The following KCNIP4 variants were observed in gnomAD, a reference collection of about 807,000 sequenced individuals.
KCNIP4 encodes potassium voltage-gated channel interacting protein 4.
A neutral mutation model predicts 34.0 loss-of-function variants in KCNIP4; 12 were observed. The ratio of observed to expected loss-of-function variants is 0.35; its 90% CI spans 0.23 to 0.57. The LOEUF (loss-of-function observed/expected upper bound fraction) is 0.57. Among genes scored for constraint, KCNIP4 ranks in the 20% least tolerant of loss-of-function variants. The probability of loss-of-function intolerance (pLI) is 0.83; values close to 1 mark genes in which losing one functional copy is unlikely to be tolerated. For missense variants in KCNIP4, 238 were observed against 311.7 expected, an observed-to-expected ratio of 0.76 and a Z score of 1.78; for synonymous variants, 124 against 102.2, an observed-to-expected ratio of 1.21 and a Z score of -1.29.
At chr4:21,381,400 A>T (rs1721491018) in intron 1 of KCNIP4, among the ~76,000 whole-genome samples, 1 of 152,206 alleles carries the variant, frequency 6.6e-6, no homozygotes. Flanking sequence ...TAGATTTATC[A>T]TTCATATGCT....
intron 3 of KCNIP4, among the ~76,000 whole-genome samples, chr4:20,847,479 C>T (rs1320096789): frequency 2.6e-5 from 4 of 152,162 alleles, no homozygotes; most frequent in Non-Finnish European, 5.9e-5. Flanking sequence ...TTGACAAGCC[C>T]TTCAGGTGAT....
chr4:21,188,133 T>C (rs928859891), intron 1 of KCNIP4, among the ~76,000 whole-genome samples: 2 of 152,216 alleles, frequency 1.3e-5, no homozygotes, highest in African/African-American at 4.8e-5. Flanking sequence ...TCATATTTAA[T>C]AATTTTTAGT....
chr4:20,987,871 G>C (rs908223667), intron 1 of KCNIP4, among the ~76,000 whole-genome samples: 8 of 151,218 alleles, frequency 5.3e-5, no homozygotes, highest in African/African-American at 1.7e-4. Flanking sequence ...CGTGGTGGTG[G>C]GCGCCTGTAG....
At chr4:21,095,792 C>T (rs1271073423) in intron 1 of KCNIP4, among the ~76,000 whole-genome samples, 5 of 151,910 alleles carry the variant, frequency 3.3e-5, no homozygotes, top group Non-Finnish European at 5.9e-5. Flanking sequence ...ATGGGGAGCT[C>T]GGAAAAGGCA....
rs150627550 is a variant in KCNIP4 at position 21,097,598 on chromosome 4, A to C, written c.62-214889T>G. ...GGTGATCTGCGATCAGTGATCTTTG[A>C]TGTGGCTACCATCATTGTTTGGGGC... On this transcript the variant is annotated intron_variant, in intron 1 of 8. Coordinates refer to ENST00000382152, the MANE Select transcript of KCNIP4 (RefSeq NM_025221.6). Among the ~76,000 whole-genome samples the C allele has an allele frequency of 3.4e-4, 52 of 152,190 alleles. 1 individual carries two copies. The highest frequency in any genetic ancestry group is 3.4e-3 in the Middle Eastern group (1 of 294).
chr4:21,208,780 A>G (rs1757026215), intron 1 of KCNIP4, among the ~76,000 whole-genome samples: 1 of 152,202 alleles, frequency 6.6e-6, no homozygotes, highest in African/African-American at 2.4e-5. Context: ...TATAAAGGAA[A>G]GAGATTTAAT....
At chr4:21,213,866 G>C (rs1757391075) in intron 1 of KCNIP4, among the ~76,000 whole-genome samples, 1 of 152,110 alleles carries the variant, frequency 6.6e-6, no homozygotes, top group South Asian at 2.1e-4. Flanking sequence ...TCAGCCCCTA[G>C]ATTCATGCCT....
chr4:20,934,782 A>G (rs1730877467), intron 1 of KCNIP4, among the ~76,000 whole-genome samples: 1 of 152,226 alleles, frequency 6.6e-6, no homozygotes, highest in Admixed American at 6.5e-5. Flanking sequence ...AGGCTGTATT[A>G]TACTCATAGA....
intron 1 of KCNIP4, among the ~76,000 whole-genome samples, chr4:21,810,626 C>A (rs891273305): frequency 7.5e-5 from 11 of 146,832 alleles, no homozygotes; most frequent in Admixed American, 4.9e-4. Flanking sequence ...GGAGGCGGAG[C>A]CTGCAGTGAG....
At chr4:21,875,319 C>G (rs1726046764) in intron 1 of KCNIP4, among the ~76,000 whole-genome samples, 1 of 152,174 alleles carries the variant, frequency 6.6e-6, no homozygotes, top group Non-Finnish European at 1.5e-5. Flanking sequence ...CTTCATTAGA[C>G]ACAGAGTCAC....
chr4:21,041,269 CAT>C (rs1741942049), intron 1 of KCNIP4, among the ~76,000 whole-genome samples: 1 of 151,672 alleles, frequency 6.6e-6, no homozygotes, highest in Non-Finnish European at 1.5e-5. Context: ...CACACACGCA[CAT>C]GAAAATAGTT....
chr4:21,915,864 T>A (rs1365703770), intron 1 of KCNIP4, among the ~76,000 whole-genome samples: 1 of 140,164 alleles, frequency 7.1e-6, no homozygotes, highest in Non-Finnish European at 1.6e-5. Context: ...TAATGATGTG[T>A]CTTCCATGGC....
Position 21,127,543 on chromosome 4 carries a change from C to G in KCNIP4, c.62-244834G>C, listed in dbSNP as rs182570832. ...CCGCACTCTCCCCAACCTCCTCCACCCCATCAGACGCCTAATAGAATACAA... is the reference window on the plus strand; with the variant it reads ...CCGCACTCTCCCCAACCTCCTCCACGCCATCAGACGCCTAATAGAATACAA... On this transcript the variant is annotated intron_variant, in intron 1 of 8. Coordinates refer to ENST00000382152, the MANE Select transcript of KCNIP4 (RefSeq NM_025221.6). Among the ~76,000 whole-genome samples, 1,064 of 152,306 alleles carry G rather than the reference C, an allele frequency of 7.0e-3. 15 individuals are homozygous for G. The highest frequency in any genetic ancestry group is 0.024 in the African/African-American group (1,008 of 41,568).
chr4:20,853,221 T>A (rs561030510), intron 2 of KCNIP4, among the ~76,000 whole-genome samples: 50 of 152,222 alleles, frequency 3.3e-4, no homozygotes, highest in Admixed American at 6.5e-4. Context: ...GGAGGCATCA[T>A]ACTACCTGAT....
At chr4:21,724,148 T>A (rs1394972489) in intron 1 of KCNIP4, among the ~76,000 whole-genome samples, 1 of 152,112 alleles carries the variant, frequency 6.6e-6, no homozygotes, top group African/African-American at 2.4e-5. Flanking sequence ...TCTCTATCTC[T>A]TTTATCAAAC....
rs536086832 is a variant in KCNIP4, at chr4:20,921,531, C to T, written c.62-38822G>A. Among the ~76,000 whole-genome samples, 407 of 152,204 alleles carry T rather than the reference C, an allele frequency of 2.7e-3. 3 individuals carry two copies. Among genetic ancestry groups the T allele is most frequent in the Non-Finnish European group, 4.0e-3 (271 of 67,994 alleles). ...ATTATTTGTTTATTATGTCATGTTACTTTTTATTAAACAAAATCAGTGAAA... is the reference window on the plus strand; with the variant it reads ...ATTATTTGTTTATTATGTCATGTTATTTTTTATTAAACAAAATCAGTGAAA... On this transcript the variant is annotated intron_variant, in intron 1 of 8. Coordinates refer to ENST00000382152, the MANE Select transcript of KCNIP4 (RefSeq NM_025221.6).
chr4:21,661,181 C>G (rs889303679), intron 1 of KCNIP4, among the ~76,000 whole-genome samples: 3 of 152,200 alleles, frequency 2.0e-5, no homozygotes, highest in African/African-American at 4.8e-5. Context: ...CATCTGTCCA[C>G]TCCATCTCCT....
At chr4:21,511,246 T>G (rs957705462) in intron 1 of KCNIP4, among the ~76,000 whole-genome samples, 3 of 152,084 alleles carry the variant, frequency 2.0e-5, no homozygotes, top group Non-Finnish European at 4.4e-5. Context: ...ATTAAAGAAA[T>G]AATAAATAAA....
At chr4:21,368,418 A>C (rs1720012466) in intron 1 of KCNIP4, among the ~76,000 whole-genome samples, 1 of 147,412 alleles carries the variant, frequency 6.8e-6, no homozygotes. Context: ...CACTCCCCCC[A>C]AAATAGCTAA....
Sources: allele counts gnomAD v4.1 joint callset (sites outside exome capture counted in the v4.1 genomes callset), GRCh38; gene constraint gnomAD v4.1.1; transcripts MANE v1.5; gene names NCBI Gene and HGNC (gene_info 2026-07-23, HGNC 2026-07-21).